Variants in TBC1D5 observed in about 807,000 individuals in gnomAD.
The protein encoded by TBC1D5 is TBC1 domain family member 5.
In TBC1D5, 75 loss-of-function variants were observed where a neutral mutation model predicts 100.3. The ratio of observed to expected loss-of-function variants is 0.75; its 90% CI spans 0.62 to 0.91. The LOEUF (loss-of-function observed/expected upper bound fraction) is 0.91, where lower values mean the gene tolerates loss of function less well. Among genes scored for constraint, TBC1D5 ranks in the 40% least tolerant of loss-of-function variants. TBC1D5 has a pLI of 0.00. For missense variants in TBC1D5, 910 were observed against 942.4 expected, an observed-to-expected ratio of 0.97 and a Z score of 0.45; for synonymous variants, 323 against 325.6, an observed-to-expected ratio of 0.99 and a Z score of 0.09.
rs9876373 is a variant in TBC1D5 at position 17,210,708 on chromosome 3, C to T, written c.1752+3499G>A. Among the ~76,000 whole-genome samples, 680 of 152,132 alleles carry T rather than the reference C, an allele frequency of 4.5e-3. 8 individuals carry two copies. The highest frequency in any genetic ancestry group is 0.015 in the African/African-American group (624 of 41,506). On this transcript the variant is annotated intron_variant, in intron 18 of 21. Transcript: ENST00000253692. ...TGTGGGTCAGTCTATGGACTTTTTC[C>T]TACCTTAAAACTCAGTTATTTTATT...
rs890080845 is a variant in TBC1D5 at position 17,308,146 on chromosome 3, C to G, written c.996-12G>C. The G allele has an allele frequency of 6.4e-7, 1 of 1,561,252 alleles. No homozygotes were observed. Among genetic ancestry groups the G allele is most frequent in the South Asian group, 1.2e-5 (1 of 82,066 alleles). ...GCCGCACCCACCTTCTGGAAAGAAA[C>G]AAAACAAAAATTCAGAAGACAGTAC... On this transcript the variant is annotated splice_polypyrimidine_tract_variant and intron_variant, in intron 13 of 21. Coordinates refer to ENST00000253692, the Ensembl canonical transcript of TBC1D5.
chr3:17,448,621 C>G (rs2094853154), intron 3 of TBC1D5, among the ~76,000 whole-genome samples: 1 of 152,198 alleles, frequency 6.6e-6, no homozygotes, highest in African/African-American at 2.4e-5. Context: ...TTTGTGTGAC[C>G]AGGTGCCTTA....
chr3:17,556,208 G>A (rs1440115317), intron 2 of TBC1D5, among the ~76,000 whole-genome samples: 1 of 152,054 alleles, frequency 6.6e-6, no homozygotes, highest in Non-Finnish European at 1.5e-5. Context: ...GTTAGAGACA[G>A]GGTTTCACCA....
chr3:17,613,791 T>C (rs530263474), intron 2 of TBC1D5, among the ~76,000 whole-genome samples: 3 of 152,356 alleles, frequency 2.0e-5, no homozygotes, highest in East Asian at 3.9e-4. Flanking sequence ...TATTAGCTCT[T>C]TGTCAGATGG....
intron 8 of TBC1D5, among the ~76,000 whole-genome samples, chr3:17,385,109 T>C (rs1485130450): frequency 2.0e-5 from 3 of 152,068 alleles, no homozygotes; most frequent in Non-Finnish European, 4.4e-5. Flanking sequence ...GAATGATTGC[T>C]TAACTGCCTC....
At chr3:17,266,202 C>T (rs1189326440) in intron 15 of TBC1D5, among the ~76,000 whole-genome samples, 1 of 152,150 alleles carries the variant, frequency 6.6e-6, no homozygotes, top group East Asian at 1.9e-4. Flanking sequence ...CTCACCATTT[C>T]TGTCTCTTAT....
At chr3:17,460,284 T>A (rs955248217) in intron 3 of TBC1D5, among the ~76,000 whole-genome samples, 1 of 152,154 alleles carries the variant, frequency 6.6e-6, no homozygotes, top group Non-Finnish European at 1.5e-5. Context: ...AATGCCAAAT[T>A]AGAGAGGGTC....
intron 4 of TBC1D5, among the ~76,000 whole-genome samples, chr3:17,419,702 G>A (rs940615242): frequency 1.3e-5 from 2 of 152,004 alleles, no homozygotes; most frequent in African/African-American, 4.8e-5. Flanking sequence ...TTGAGACAGG[G>A]TCTTGCTCTG....
At chr3:17,598,113 A>C (rs998468713) in intron 2 of TBC1D5, among the ~76,000 whole-genome samples, 4 of 151,568 alleles carry the variant, frequency 2.6e-5, no homozygotes, top group Non-Finnish European at 5.9e-5. Context: ...CTTAAAGACC[A>C]GTCAAATTGT....
intron 2 of TBC1D5, among the ~76,000 whole-genome samples, chr3:17,552,406 C>T (rs894063357): frequency 2.0e-5 from 3 of 152,034 alleles, no homozygotes; most frequent in Non-Finnish European, 4.4e-5. Flanking sequence ...CTAAATCAAA[C>T]AGCACACTAA....
At chr3:17,346,421 G>GT (rs2089885305) in intron 13 of TBC1D5, among the ~76,000 whole-genome samples, 1 of 151,876 alleles carries the variant, frequency 6.6e-6, no homozygotes, top group Admixed American at 6.6e-5. Context: ...TGTACCACCT[G>GT]CCCATTTTTC....
chr3:17,259,653 C>T (rs1317701128), intron 15 of TBC1D5, among the ~76,000 whole-genome samples: 1 of 145,726 alleles, frequency 6.9e-6, no homozygotes, highest in Non-Finnish European at 1.5e-5. Context: ...TACCAATATG[C>T]GCAGAAATCA....
intron 2 of TBC1D5, among the ~76,000 whole-genome samples, chr3:17,539,506 C>T (rs1230444103): frequency 6.6e-6 from 1 of 151,930 alleles, no homozygotes; most frequent in African/African-American, 2.4e-5. Context: ...CAATTTCTTC[C>T]AGGGCCTGCT....
At chr3:17,584,883 C>A (rs777653707) in intron 2 of TBC1D5, among the ~76,000 whole-genome samples, 1 of 152,158 alleles carries the variant, frequency 6.6e-6, no homozygotes. Context: ...TTCTCGAACT[C>A]CTGACCTCGT....
chr3:17,533,074 GACACACACAC>G lies in TBC1D5; in HGVS notation c.-35-24479_-35-24470del, dbSNP rs9310518. Among the ~76,000 whole-genome samples, 174 of 145,046 alleles carry G rather than the reference GACACACACAC, an allele frequency of 1.2e-3. 2 individuals are homozygous for G. The highest frequency in any genetic ancestry group is 3.5e-3 in the African/African-American group (140 of 40,008). ...CCTGTCACACACACACACATACACA[GACACACACAC>G]ACACACACACACACACACACACTTC... On this transcript the variant is annotated intron_variant, in intron 2 of 21. Transcript: ENST00000253692.
intron 1 of TBC1D5, among the ~76,000 whole-genome samples, chr3:17,716,148 A>G (rs2075221682): frequency 6.6e-6 from 1 of 152,202 alleles, no homozygotes; most frequent in Non-Finnish European, 1.5e-5. Flanking sequence ...TTAAGACATA[A>G]AAAGACAACA....
At chr3:17,348,040 C>T (rs991945284) in intron 13 of TBC1D5, among the ~76,000 whole-genome samples, 1 of 152,104 alleles carries the variant, frequency 6.6e-6, no homozygotes, top group Admixed American at 6.6e-5. Flanking sequence ...GGAGCCCCCC[C>T]ACCTCATACT....
At chr3:17,619,925 C>A (rs568137051) in intron 2 of TBC1D5, among the ~76,000 whole-genome samples, 1 of 152,228 alleles carries the variant, frequency 6.6e-6, no homozygotes, top group Non-Finnish European at 1.5e-5. Flanking sequence ...CAAATCCACA[C>A]ATAAAAGATG....
intron 13 of TBC1D5, among the ~76,000 whole-genome samples, chr3:17,325,447 C>T (rs189914146): frequency 6.9e-4 from 105 of 151,598 alleles, no homozygotes; most frequent in Non-Finnish European, 1.0e-3. Context: ...CTCAGCCTGC[C>T]GAGTAGCTGG....
Sources: gnomAD v4.1 joint callset for allele counts (sites outside exome capture counted in the v4.1 genomes callset) on GRCh38, gnomAD v4.1.1 for gene constraint, MANE v1.5 for transcripts, NCBI Gene and HGNC (gene_info 2026-07-23, HGNC 2026-07-21) for gene names.